Variants in SKOR1 observed in about 807,000 individuals in gnomAD.
The protein encoded by SKOR1 is SKI family transcriptional corepressor 1.
Under a neutral mutation model 72.4 loss-of-function variants are expected in SKOR1, and 38 were observed. The observed-to-expected ratio is 0.52, with a 90% confidence interval of 0.40 to 0.69. The LOEUF is 0.69. SKOR1 is among the 30% of genes least tolerant of loss of function. The probability of loss-of-function intolerance (pLI) is 0.00; values close to 1 mark genes in which losing one functional copy is unlikely to be tolerated. For synonymous variants in SKOR1, 642 were observed against 599.4 expected, an observed-to-expected ratio of 1.07 and a Z score of -1.04; for missense variants, 1,320 against 1,343.2, an observed-to-expected ratio of 0.98 and a Z score of 0.27.
chr15:67,827,559 G>A lies in SKOR1; in HGVS notation c.1731G>A (p.Pro577=), dbSNP rs942473958. The change falls in exon 2 of 9, where the codon CCG becomes CCA. Residue 577 remains proline, a synonymous_variant. Coordinates refer to ENST00000380035, the MANE Select transcript of SKOR1 (RefSeq NM_001365915.1). ...AGGCGCTGCCACCGCCCCTGGCCCC[G>A]TTGCCCCCGCCGCCCCCGCCGCCCG... ...TDEALPPPLA[P]LPPPPPPPAR... 6.6e-7 allele frequency: 1 copy of A among 1,516,520 alleles called. No individual in the cohort carries two copies. The highest frequency in any genetic ancestry group is 8.8e-7 in the Non-Finnish European group (1 of 1,139,810). 93.9% of individuals were successfully genotyped at this position (1,516,520 alleles called of 1,614,324 possible).
At chr15:67,829,898 C>G (rs1339834409) in intron 3 of SKOR1, among the ~76,000 whole-genome samples, 2 of 152,334 alleles carry the variant, frequency 1.3e-5, no homozygotes, top group East Asian at 3.9e-4. Context: ...TCGCGGTGCC[C>G]CAGTATCTGC....
Position 67,826,000 on chromosome 15 carries a change from A to G in SKOR1, c.172A>G (p.Asn58Asp), listed in dbSNP as rs143149450. The G allele has an allele frequency of 3.3e-4, 506 of 1,538,472 alleles. 1 individual carries two copies. The highest frequency in any genetic ancestry group is 1.1e-3 in the Middle Eastern group (6 of 5,680). ...GPGREGSSSP[N>D]SKQELQPYSG... is the part of the protein sequence containing the mutation. ...GGGGCGCGAGGGCAGTTCCTCGCCC[A>G]ACTCCAAGCAGGAGCTGCAGCCGTA... The change falls in exon 2 of 9, where the codon AAC (asparagine) becomes GAC (aspartate). Residue 58 changes from asparagine (N) to aspartate (D), a missense_variant. By Grantham distance (23) the Asn-to-Asp change is conservative. Around this residue, in one of 3 missense-constraint regions of SKOR1, gnomAD observed 120 missense variants for 104.9 expected, o/e 1.14. Transcript: ENST00000380035. This position sits in a 1 kb window ranked among gnomAD's most constrained non-coding sequence, Gnocchi z 5.6.
In SKOR1 at chr15:67,826,248, G is replaced by T; in HGVS notation, c.420G>T (p.Arg140=). 2 of 1,613,086 alleles carry T rather than the reference G, an allele frequency of 1.2e-6. No homozygotes were observed. The highest frequency in any genetic ancestry group is 1.7e-6 in the Non-Finnish European group (2 of 1,180,034). ...CTPVQLEILR[R]AGAMPISSRR... ...CGGTACAGCTGGAGATTCTGCGTCG[G>T]GCCGGGGCCATGCCCATCTCGTCGC... Residue 140 remains arginine (R), a synonymous_variant, in exon 2 of 9, where the codon CGG becomes CGT. Coordinates refer to ENST00000380035, the MANE Select transcript of SKOR1 (RefSeq NM_001365915.1).
chr15:67,828,894 G>A (rs937651375), intron 2 of SKOR1, among the ~76,000 whole-genome samples: 1 of 152,238 alleles, frequency 6.6e-6, no homozygotes, highest in Non-Finnish European at 1.5e-5. Context: ...GAGGGAAAAT[G>A]CCTAAAAGGA....
At position 67,827,618 on chromosome 15, in the gene SKOR1, C is replaced by T. The variant is rs754823284; in HGVS notation, c.1790C>T (p.Pro597Leu). The change falls in exon 2 of 9, where the codon CCG (proline) becomes CTG (leucine). Residue 597 changes from proline (P) to leucine (L), a missense_variant. Transcript: ENST00000380035. ...RKGSYVSAFR[P>L]VVKDTESIAK... ...GGCTCCTACGTGTCGGCCTTCCGGC[C>T]GGTGGTCAAGGACACCGAGAGCATC... is the stretch of plus-strand genomic sequence containing the variant. 3 of 1,529,016 alleles carry T rather than the reference C, an allele frequency of 2.0e-6. No homozygotes were observed. Among genetic ancestry groups the T allele is most frequent in the South Asian group, 2.4e-5 (2 of 83,366 alleles). The allele number at this position is 1,529,016 out of a possible 1,614,324, so 94.7% of individuals were successfully genotyped here. A position where few individuals can be genotyped will look rare whatever the true frequency, so the allele number is the denominator to read the frequency against.
At position 67,826,930 on chromosome 15, in the gene SKOR1, G is replaced by T. The variant is rs1218609994; in HGVS notation, c.1102G>T (p.Gly368Cys). The T allele has an allele frequency of 1.3e-6, 2 of 1,575,868 alleles. No homozygotes were observed. Among genetic ancestry groups the T allele is most frequent in the South Asian group, 2.3e-5 (2 of 87,542 alleles). The change falls in exon 2 of 9, where the codon GGC (glycine) becomes TGC (cysteine). Residue 368 changes from glycine (G) to cysteine (C), a missense_variant. By Grantham distance (159) the Gly-to-Cys change is radical. Coordinates refer to ENST00000380035, the MANE Select transcript of SKOR1 (RefSeq NM_001365915.1). ...CCCAGGAGGGCCCGGTGGCGGCGCC[G>T]GCGTACGAAGCTACCCGGTGATCCC... ...AGPGGPGGGA[G>C]VRSYPVIPVP...
Position 67,827,123 on chromosome 15 carries a change from C to A in SKOR1, c.1295C>A (p.Ala432Glu). 7.2e-7 allele frequency: 1 copy of A among 1,393,148 alleles called. No individual in the cohort carries two copies. Among genetic ancestry groups the A allele is most frequent in the Non-Finnish European group, 9.2e-7 (1 of 1,082,146 alleles). The allele number at this position is 1,393,148 out of a possible 1,614,324, so 86.3% of individuals were successfully genotyped here. A position where few individuals can be genotyped will look rare whatever the true frequency, so the allele number is the denominator to read the frequency against. Reference sequence around the variant, plus strand: ...GGCACTGGGAGCGGCGGCGGCGGCGCGGGGACAGGCGGGGGTGCGGGGGGC... The same window carrying A: ...GGCACTGGGAGCGGCGGCGGCGGCGAGGGGACAGGCGGGGGTGCGGGGGGC... ...GPGTGSGGGG[A>E]GTGGGAGGPG... Residue 432 changes from alanine (A) to glutamate (E), a missense_variant, in exon 2 of 9, where the codon GCG (alanine) becomes GAG (glutamate). By Grantham distance (107) the Ala-to-Glu change is moderately radical (BLOSUM62 -1). Transcript: ENST00000380035.
chr15:67,827,547 G>A lies in SKOR1; in HGVS notation c.1719G>A (p.Pro573=). The A allele has an allele frequency of 2.0e-6, 3 of 1,517,312 alleles. No individual in the cohort carries two copies. The highest frequency in any genetic ancestry group is 1.4e-5 in the African/African-American group (1 of 70,954). The allele number at this position is 1,517,312 out of a possible 1,614,324, so 94.0% of individuals were successfully genotyped here. Residue 573 remains proline (P), a synonymous_variant, in exon 2 of 9, where the codon CCG becomes CCA. Transcript: ENST00000380035. ...ACGGCACGGACGAGGCGCTGCCACC[G>A]CCCCTGGCCCCGTTGCCCCCGCCGC... The part of the protein sequence containing the change: ...DEDGTDEALP[P]PLAPLPPPPP...
In SKOR1 at chr15:67,832,993, A is replaced by C; in HGVS notation, c.2738-199A>C. On this transcript the variant is annotated intron_variant, in intron 7 of 8. Transcript: ENST00000380035. The surrounding 1 kb of genome is among the most constrained non-coding windows in gnomAD (Gnocchi z 4.5). ...GTTTGCTTTAATTTTGGTTAGATCC[A>C]TCTGCCTTTAAGCGCCATCCCAGGC... is the stretch of plus-strand genomic sequence containing the variant. 1.6e-6 allele frequency: 1 copy of C among 619,892 alleles called. No homozygotes were observed. The highest frequency in any genetic ancestry group is 2.8e-6 in the Non-Finnish European group (1 of 354,128). 38.4% of individuals were successfully genotyped at this position (619,892 alleles called of 1,614,324 possible). A position where few individuals can be genotyped will look rare whatever the true frequency, so the allele number is the denominator to read the frequency against.
intron 2 of SKOR1, among the ~76,000 whole-genome samples, chr15:67,828,746 G>A (rs755028548): frequency 2.3e-4 from 35 of 152,162 alleles, no homozygotes; most frequent in Non-Finnish European, 3.1e-4. Context: ...CGGGGCTTGA[G>A]GGGCAGGATG....
In SKOR1 at chr15:67,827,876, C is replaced by T. The variant is rs1318533858; in HGVS notation, c.2048C>T (p.Pro683Leu). The T allele has an allele frequency of 1.2e-6, 2 of 1,601,282 alleles. No individual in the cohort carries two copies. The highest frequency in any genetic ancestry group is 1.7e-6 in the Non-Finnish European group (2 of 1,174,904). ...DAQEETEPSA[P>L]SAGGGPDGEQ... ...CAAGAGGAGACCGAGCCCAGCGCAC[C>T]CAGCGCAGGGGGCGGCCCAGACGGT... is the stretch of plus-strand genomic sequence containing the variant. Residue 683 changes from proline (P) to leucine (L), a missense_variant, in exon 2 of 9, where the codon CCC (proline) becomes CTC (leucine). Physicochemically the swap from Pro to Leu is moderately conservative, Grantham distance 98. Coordinates refer to ENST00000380035, the MANE Select transcript of SKOR1 (RefSeq NM_001365915.1).
intron 5 of SKOR1, among the ~76,000 whole-genome samples, chr15:67,831,955 G>C (rs2091011924): frequency 6.6e-6 from 1 of 150,974 alleles, no homozygotes; most frequent in Non-Finnish European, 1.5e-5. Flanking sequence ...ACTTGAAGTG[G>C]GAAATCAAGT....
rs1018019378 is a variant in SKOR1, at chr15:67,827,827, C to A, written c.1999C>A (p.Arg667Ser). 7 of 1,591,500 alleles carry A rather than the reference C, an allele frequency of 4.4e-6. No individual in the cohort carries two copies. Among genetic ancestry groups the A allele is most frequent in the African/African-American group, 1.3e-5 (1 of 74,694 alleles). ...GCCCGAGGTGGACGTGGAATCCAAC[C>A]GCTTCCCCGACGACGAGGACGCCCA... ...DEPEVDVESN[R>S]FPDDEDAQEE... Residue 667 changes from arginine to serine, a missense_variant, in exon 2 of 9, where the codon CGC becomes AGC. Transcript: ENST00000380035.
Position 67,832,169 on chromosome 15 carries a change from A to C in SKOR1, c.2588-105A>C. ...AGCGGAGGGCCTCCACCTACTGGTC[A>C]TCCTTCTCAACTCTCCTTTCAGGGT... On this transcript the variant is annotated intron_variant, in intron 5 of 8. Transcript: ENST00000380035. This position sits in a 1 kb window ranked among gnomAD's most constrained non-coding sequence, Gnocchi z 4.5. 9.9e-7 allele frequency: 1 copy of C among 1,007,838 alleles called. No individual in the cohort carries two copies. The highest frequency in any genetic ancestry group is 1.9e-5 in the Admixed American group (1 of 53,408). The allele number at this position is 1,007,838 out of a possible 1,614,324, so 62.4% of individuals were successfully genotyped here.
At position 67,833,087 on chromosome 15, in the gene SKOR1, C is replaced by A; in HGVS notation, c.2738-105C>A. Reference sequence around the variant, plus strand: ...CCCTCCCCCATCCCTGGAGTTGTTTCTGCGCGGAGCTTAGCCCTGGGGAGA... The same window carrying A: ...CCCTCCCCCATCCCTGGAGTTGTTTATGCGCGGAGCTTAGCCCTGGGGAGA... On this transcript the variant is annotated intron_variant, in intron 7 of 8. Coordinates refer to ENST00000380035, the MANE Select transcript of SKOR1 (RefSeq NM_001365915.1). This position sits in a 1 kb window ranked among gnomAD's most constrained non-coding sequence, Gnocchi z 6.0. The A allele has an allele frequency of 2.5e-6, 3 of 1,204,930 alleles. No individual in the cohort carries two copies. Among genetic ancestry groups the A allele is most frequent in the South Asian group, 1.3e-5 (1 of 79,090 alleles). 74.6% of individuals were successfully genotyped at this position (1,204,930 alleles called of 1,614,324 possible).
At chr15:67,829,703 G>A (rs2090993259) in intron 3 of SKOR1, among the ~76,000 whole-genome samples, 1 of 152,266 alleles carries the variant, frequency 6.6e-6, no homozygotes, top group African/African-American at 2.4e-5. Flanking sequence ...GCGGGGTGGT[G>A]GGGGCCGCCC....
In SKOR1 at chr15:67,826,714, G is replaced by T; in HGVS notation, c.886G>T (p.Gly296Trp). 2 of 1,547,440 alleles carry T rather than the reference G, an allele frequency of 1.3e-6. No homozygotes were observed. The highest frequency in any genetic ancestry group is 8.7e-7 in the Non-Finnish European group (1 of 1,149,540). Residue 296 changes from glycine to tryptophan, a missense_variant, in exon 2 of 9, where the codon GGG becomes TGG. Coordinates refer to ENST00000380035, the MANE Select transcript of SKOR1 (RefSeq NM_001365915.1). ...AGGCGGTGCCAATGGCGGGTCGGGT[G>T]GGCAGGGGAAGGGTGGTGCTGGCGG... ...GGGGANGGSG[G>W]QGKGGAGGGG...
At position 67,833,015 on chromosome 15, in the gene SKOR1, A is replaced by G; in HGVS notation, c.2738-177A>G. ...TCCATCTGCCTTTAAGCGCCATCCC[A>G]GGCCATTTCCTTCCTCCGCCAGTCT... On this transcript the variant is annotated intron_variant, in intron 7 of 8. Transcript: ENST00000380035. The surrounding 1 kb of genome is among the most constrained non-coding windows in gnomAD (Gnocchi z 6.0). The G allele has an allele frequency of 3.0e-6, 2 of 663,688 alleles. No individual in the cohort carries two copies. The highest frequency in any genetic ancestry group is 2.6e-5 in the Admixed American group (1 of 38,558). 41.1% of individuals were successfully genotyped at this position (663,688 alleles called of 1,614,324 possible). A position where few individuals can be genotyped will look rare whatever the true frequency, so the allele number is the denominator to read the frequency against.
At chr15:67,830,400 GT>G in intron 4 of SKOR1, 102 bp downstream of exon 4, 1 of 954,970 alleles carries the variant, frequency 1.0e-6, no homozygotes, top group East Asian at 2.6e-5. Flanking sequence ...TTAATCAAGT[GT>G]AAGCGGCTGC....
Sources: gnomAD v4.1 joint callset for allele counts (sites outside exome capture counted in the v4.1 genomes callset) on GRCh38, gnomAD v4.1.1 for gene constraint, gnomAD v4.1.1 regional missense constraint, Gnocchi (gnomAD v3.1) non-coding constraint, MANE v1.5 for transcripts, NCBI Gene and HGNC (gene_info 2026-07-23, HGNC 2026-07-21) for gene names.